The following TYW1B variants were observed in gnomAD, a reference collection of about 807,000 sequenced individuals.
TYW1B encodes the protein S-adenosyl-L-methionine-dependent tRNA 4-demethylwyosine synthase TYW1B.
In TYW1B, 73 loss-of-function variants were observed where a neutral mutation model predicts 86.9. The ratio of observed to expected loss-of-function variants is 0.84; its 90% CI spans 0.70 to 1.02. TYW1B has a LOEUF of 1.02. TYW1B is among the 50% of genes least tolerant of loss of function. TYW1B has a pLI of 0.00. For missense variants in TYW1B, 637 were observed against 827.4 expected, an observed-to-expected ratio of 0.77 and a Z score of 2.82; for synonymous variants, 248 against 292.8, an observed-to-expected ratio of 0.85 and a Z score of 1.56.
intron 4 of TYW1B, among the ~76,000 whole-genome samples, chr7:72,808,770 G>A (rs1259413404): frequency 6.6e-6 from 1 of 151,736 alleles, no homozygotes; most frequent in South Asian, 2.1e-4. Context: ...CAGGTGATCC[G>A]CCCGCCTCTG....
chr7:72,739,447 A>G (rs1409197878), intron 8 of TYW1B, among the ~76,000 whole-genome samples: 6 of 151,942 alleles, frequency 3.9e-5, no homozygotes, highest in Admixed American at 2.0e-4. Context: ...CTGGTAAAAG[A>G]TACAAAAAAT....
intron 7 of TYW1B, among the ~76,000 whole-genome samples, chr7:72,756,255 G>A (rs2129571598): frequency 2.1e-5 from 1 of 47,170 alleles, no homozygotes; most frequent in East Asian, 4.1e-4. Context: ...TATTTTTTGA[G>A]AAGGAGCCTG....
At chr7:72,590,518 A>T (rs1811373234) in intron 13 of TYW1B, among the ~76,000 whole-genome samples, 1 of 152,182 alleles carries the variant, frequency 6.6e-6, no homozygotes, top group Non-Finnish European at 1.5e-5. Context: ...GGTGTACATT[A>T]AAGACTAAGA....
intron 5 of TYW1B, among the ~76,000 whole-genome samples, chr7:72,803,149 G>A (rs1788431382): frequency 6.6e-6 from 1 of 152,108 alleles, no homozygotes; most frequent in South Asian, 2.1e-4. Flanking sequence ...ACGCAGGAGT[G>A]TCACTTGAAG....
At chr7:72,588,931 G>A (rs1166410914) in intron 13 of TYW1B, among the ~76,000 whole-genome samples, 1 of 151,880 alleles carries the variant, frequency 6.6e-6, no homozygotes, top group Non-Finnish European at 1.5e-5. Flanking sequence ...TCCTGCCTCA[G>A]CCTCCCAAGT....
intron 13 of TYW1B, among the ~76,000 whole-genome samples, chr7:72,582,664 A>G (rs1384021109): frequency 6.6e-6 from 1 of 152,204 alleles, no homozygotes; most frequent in Non-Finnish European, 1.5e-5. Flanking sequence ...ACAGCTGTGA[A>G]CTAGGTGGTA....
intron 6 of TYW1B, among the ~76,000 whole-genome samples, chr7:72,795,237 A>G (rs1788285334): frequency 8.0e-6 from 1 of 125,646 alleles, no homozygotes; most frequent in Non-Finnish European, 1.8e-5. Context: ...TCCAAAAAAA[A>G]TAAAATAAAA....
intron 3 of TYW1B, among the ~76,000 whole-genome samples, chr7:72,811,541 C>T (rs1554478237): frequency 2.0e-5 from 3 of 151,900 alleles, no homozygotes; most frequent in Admixed American, 6.6e-5. Flanking sequence ...TCTCTGAAAT[C>T]TCCAAAGAAT....
At position 72,802,540 on chromosome 7, in the gene TYW1B, C is replaced by T; in HGVS notation, c.724-18G>A. The T allele has an allele frequency of 6.2e-7, 1 of 1,613,580 alleles. No homozygotes were observed. The highest frequency in any genetic ancestry group is 8.5e-7 in the Non-Finnish European group (1 of 1,179,716). ...TCTTCCTCCTGGAAGAGAAATGCTTCAGAAATACATTGTTCAAAGGGGCAA... is the reference window on the plus strand; with the variant it reads ...TCTTCCTCCTGGAAGAGAAATGCTTTAGAAATACATTGTTCAAAGGGGCAA... On this transcript the variant is annotated intron_variant, in intron 5 of 13. Transcript: ENST00000620995.
chr7:72,673,618 T>C (rs574545095), intron 11 of TYW1B, among the ~76,000 whole-genome samples: 2,261 of 152,068 alleles, frequency 0.015, 52 homozygotes, highest in African/African-American at 0.051. Context: ...AGTGGGGGTG[T>C]TGGGAGGAAG....
chr7:72,805,958 A>C (rs1319853254), intron 5 of TYW1B, among the ~76,000 whole-genome samples: 5 of 152,146 alleles, frequency 3.3e-5, no homozygotes, highest in Admixed American at 6.6e-5. Flanking sequence ...CAGGAGCTTC[A>C]AAGGAATTGG....
At chr7:72,649,271 G>A (rs1554442448) in intron 11 of TYW1B, among the ~76,000 whole-genome samples, 2 of 152,168 alleles carry the variant, frequency 1.3e-5, no homozygotes, top group Admixed American at 6.5e-5. Flanking sequence ...GGTTTCTAGA[G>A]AAAGAAAGAT....
chr7:72,614,644 A>G (rs1189044888), intron 13 of TYW1B, among the ~76,000 whole-genome samples: 3 of 151,914 alleles, frequency 2.0e-5, no homozygotes, highest in African/African-American at 7.3e-5. Context: ...AAAAAAAAAA[A>G]AAAAGAAACA....
intron 7 of TYW1B, among the ~76,000 whole-genome samples, chr7:72,767,315 CTT>C (rs1276020144): frequency 9.2e-5 from 14 of 152,088 alleles, no homozygotes; most frequent in Non-Finnish European, 1.5e-5. Context: ...CTTTAAAAAT[CTT>C]TGTCTTTGGC....
intron 11 of TYW1B, among the ~76,000 whole-genome samples, chr7:72,688,429 A>T (rs1386077481): frequency 6.6e-6 from 1 of 152,164 alleles, no homozygotes; most frequent in Non-Finnish European, 1.5e-5. Context: ...TCTTTTTGAC[A>T]TAGTAATTAA....
Position 72,777,502 on chromosome 7 carries a change from C to T in TYW1B, c.878G>A (p.Gly293Asp), listed in dbSNP as rs1296855631. ...ATTCCTCCCCATGTTCCTGAACAAA[C>T]CAGACTTCTCTTCCTGCTGTTCCTT... is the stretch of plus-strand genomic sequence containing the variant. ...REKEQQEEKSGLFRNMGRNED... is the reference protein window; with the variant it reads ...REKEQQEEKSDLFRNMGRNED... Residue 293 changes from glycine to aspartate, a missense_variant, in exon 7 of 14, where the codon GGT (glycine) becomes GAT (aspartate). Physicochemically the swap from Gly to Asp is moderately conservative, Grantham distance 94. Coordinates refer to ENST00000620995, the MANE Select transcript of TYW1B (RefSeq NM_001145440.3). The T allele has an allele frequency of 1.2e-6, 2 of 1,613,946 alleles. No individual in the cohort carries two copies. The highest frequency in any genetic ancestry group is 2.7e-5 in the African/African-American group (2 of 74,906).
At chr7:72,699,690 C>A (rs1209947632) in intron 10 of TYW1B, among the ~76,000 whole-genome samples, 2 of 151,842 alleles carry the variant, frequency 1.3e-5, no homozygotes, top group African/African-American at 4.8e-5. Flanking sequence ...TGCTCTGTCA[C>A]CCAGGCTGGA....
intron 11 of TYW1B, among the ~76,000 whole-genome samples, chr7:72,635,111 T>C (rs564243870): frequency 7.5e-4 from 114 of 152,268 alleles, no homozygotes; most frequent in African/African-American, 2.6e-3. Context: ...AGTTTTATCA[T>C]ATTGCCACTC....
chr7:72,639,987 C>T (rs1167519978), intron 11 of TYW1B, among the ~76,000 whole-genome samples: 1 of 151,948 alleles, frequency 6.6e-6, no homozygotes, highest in Non-Finnish European at 1.5e-5. Context: ...ATTCTAAGTG[C>T]TATTGCTTAT....
Sources: allele counts gnomAD v4.1 joint callset (sites outside exome capture counted in the v4.1 genomes callset), GRCh38; gene constraint gnomAD v4.1.1; transcripts MANE v1.5; gene names NCBI Gene and HGNC (gene_info 2026-07-23, HGNC 2026-07-21).